Variants in LYPD6 observed in about 807,000 individuals in gnomAD.
LYPD6 encodes LY6/PLAUR domain containing 6, also known as ly6/PLAUR domain-containing protein 6.
Under a neutral mutation model 22.7 loss-of-function variants are expected in LYPD6, and 15 were observed. That is an observed-to-expected ratio of 0.66 (90% CI 0.44 to 1.02). LYPD6 has a LOEUF of 1.02. Ranked by LOEUF, LYPD6 falls within the 50% of genes least tolerant of loss-of-function variation. The probability of loss-of-function intolerance (pLI) is 0.00; values close to 1 mark genes in which losing one functional copy is unlikely to be tolerated. For synonymous variants in LYPD6, 72 were observed against 77.5 expected (o/e 0.93, Z 0.37); for missense variants, 189 against 208.4 (o/e 0.91, Z 0.57).
chr2:149,442,267 T>C (rs1683585059), intron 2 of LYPD6, among the ~76,000 whole-genome samples: 1 of 152,196 alleles, frequency 6.6e-6, no homozygotes, highest in African/African-American at 2.4e-5. Context: ...TCACCACGGT[T>C]CTGGTAACTG....
chr2:149,443,505 T>C (rs16826993), intron 2 of LYPD6, among the ~76,000 whole-genome samples: 3,373 of 152,304 alleles, frequency 0.022, 104 homozygotes, highest in African/African-American at 0.066. Flanking sequence ...TCTTTTTTTT[T>C]CCAAAATGTC....
At chr2:149,477,621 TCAAAAAAA>T (rs1168947822), downstream of LYPD6, among the ~76,000 whole-genome samples, 2 of 22,854 alleles carry the variant, frequency 8.8e-5, no homozygotes, top group Non-Finnish European at 8.0e-5. Context: ...AAACTGTGTC[TCAAAAAAA>T]AAAAAAAAAA....
At chr2:149,408,879 A>G (rs1682788892) in intron 1 of LYPD6, among the ~76,000 whole-genome samples, 1 of 152,192 alleles carries the variant, frequency 6.6e-6, no homozygotes, top group Admixed American at 6.5e-5. Flanking sequence ...TGATTAGCTT[A>G]ATAGTCGACT....
At chr2:149,396,390 C>G (rs1055033724) in intron 1 of LYPD6, among the ~76,000 whole-genome samples, 1 of 151,992 alleles carries the variant, frequency 6.6e-6, no homozygotes, top group Non-Finnish European at 1.5e-5. Context: ...TGCCTGCAGC[C>G]CTGCTTCTTC....
At chr2:149,429,563 G>T (rs1051667517) in intron 1 of LYPD6, among the ~76,000 whole-genome samples, 10 of 152,186 alleles carry the variant, frequency 6.6e-5, no homozygotes, top group African/African-American at 2.4e-4. Context: ...GTAATTTCTA[G>T]TTAGCTCTTT....
intron 1 of LYPD6, among the ~76,000 whole-genome samples, chr2:149,347,317 T>C (rs878947255): frequency 2.6e-5 from 4 of 152,080 alleles, no homozygotes; most frequent in East Asian, 1.9e-4. Context: ...TCGCATCACA[T>C]TGGGGTTTAG....
chr2:149,330,425 G>A (rs1680908562), upstream of LYPD6: 1 of 150,330 alleles, frequency 6.7e-6, no homozygotes, highest in Non-Finnish European at 1.5e-5. Context: ...CCGGGCCAAT[G>A]AGCGCGCCCC....
intron 1 of LYPD6, among the ~76,000 whole-genome samples, chr2:149,368,499 C>T (rs1484940928): frequency 5.3e-5 from 8 of 152,124 alleles, no homozygotes; most frequent in Non-Finnish European, 1.0e-4. Context: ...CACCACTGCA[C>T]TCCAGCCTGG....
At chr2:149,466,338 TAAG>T (rs1558817923) in intron 3 of LYPD6, among the ~76,000 whole-genome samples, 2 of 152,200 alleles carry the variant, frequency 1.3e-5, no homozygotes, top group African/African-American at 4.8e-5. Flanking sequence ...TTTTGTAAGA[TAAG>T]AAGTGGAATA....
At chr2:149,385,809 CAA>C (rs1682170681) in intron 1 of LYPD6, among the ~76,000 whole-genome samples, 1 of 152,058 alleles carries the variant, frequency 6.6e-6, no homozygotes, top group Admixed American at 6.5e-5. Context: ...AAAAAGAGAA[CAA>C]GAGGGGCAGA....
At chr2:149,333,073 A>G (rs1391798781) in intron 1 of LYPD6, among the ~76,000 whole-genome samples, 1 of 152,230 alleles carries the variant, frequency 6.6e-6, no homozygotes, top group Non-Finnish European at 1.5e-5. Flanking sequence ...TAATAAATGA[A>G]TATCTCATTA....
intron 1 of LYPD6, among the ~76,000 whole-genome samples, chr2:149,379,313 G>C (rs189537959): frequency 1.1e-3 from 161 of 152,298 alleles, no homozygotes; most frequent in Non-Finnish European, 2.1e-3. Flanking sequence ...ACTAGGATCT[G>C]TGCATCAACA....
chr2:149,386,732 A>G (rs747860105), intron 1 of LYPD6, among the ~76,000 whole-genome samples: 11 of 152,238 alleles, frequency 7.2e-5, no homozygotes, highest in Non-Finnish European at 1.6e-4. Context: ...GTATACTGTA[A>G]TCAACACTGG....
intron 1 of LYPD6, among the ~76,000 whole-genome samples, chr2:149,395,248 C>G (rs1020584721): frequency 1.3e-5 from 2 of 152,250 alleles, no homozygotes; most frequent in South Asian, 4.1e-4. Flanking sequence ...TCAGTCAGTT[C>G]TGTTGTTTGT....
intron 2 of LYPD6, among the ~76,000 whole-genome samples, chr2:149,445,077 G>A (rs745545346): frequency 8.5e-5 from 13 of 152,180 alleles, no homozygotes; most frequent in Non-Finnish European, 1.9e-4. Flanking sequence ...GGGTTCCCAG[G>A]CATGAAAACG....
intron 3 of LYPD6, chr2:149,464,574 GAC>G (rs1400315071): frequency 2.6e-5 from 4 of 153,406 alleles, no homozygotes; most frequent in Non-Finnish European, 5.8e-5. Flanking sequence ...CAATGCACTT[GAC>G]ACACAGCTTC....
At chr2:149,467,179 C>G (rs1203170013) in intron 3 of LYPD6, among the ~76,000 whole-genome samples, 2 of 152,198 alleles carry the variant, frequency 1.3e-5, no homozygotes, top group East Asian at 3.9e-4. Context: ...TGTGAGCTCC[C>G]CAGATGACCT....
chr2:149,358,967 A>G (rs1391145710), intron 1 of LYPD6, among the ~76,000 whole-genome samples: 1 of 152,212 alleles, frequency 6.6e-6, no homozygotes, highest in Non-Finnish European at 1.5e-5. Flanking sequence ...CCATTAAAGT[A>G]CTATCTCAAT....
At chr2:149,422,826 TC>T (rs761033216) in intron 1 of LYPD6, among the ~76,000 whole-genome samples, 28 of 152,164 alleles carry the variant, frequency 1.8e-4, no homozygotes, top group Non-Finnish European at 4.0e-4. Flanking sequence ...CTTTTTTAGG[TC>T]CTACATATAG....
Sources: allele counts gnomAD v4.1 joint callset (sites outside exome capture counted in the v4.1 genomes callset), GRCh38; gene constraint gnomAD v4.1.1; transcripts MANE v1.5; gene names NCBI Gene and HGNC (gene_info 2026-07-23, HGNC 2026-07-21).